COQ8A: variants seen among roughly 807,000 people sequenced by gnomAD.
The protein encoded by COQ8A is atypical kinase COQ8A, mitochondrial.
Under a neutral mutation model 65.0 loss-of-function variants are expected in COQ8A, and 51 were observed. The ratio of observed to expected loss-of-function variants is 0.78; its 90% CI spans 0.63 to 0.99. COQ8A has a LOEUF of 0.99. COQ8A is among the 50% of genes least tolerant of loss of function. The probability of loss-of-function intolerance (pLI) is 0.00; values close to 1 mark genes in which losing one functional copy is unlikely to be tolerated. For synonymous variants in COQ8A, 371 were observed against 353.2 expected, an observed-to-expected ratio of 1.05 and a Z score of -0.57; for missense variants, 940 against 875.0, an observed-to-expected ratio of 1.07 and a Z score of -0.94.
At chr1:226,963,469 A>T (rs1572043324) in intron 2 of COQ8A, among the ~76,000 whole-genome samples, 2 of 152,136 alleles carry the variant, frequency 1.3e-5, no homozygotes, top group East Asian at 3.9e-4. Flanking sequence ...CCACAGTGAC[A>T]CCGACAGGTG....
chr1:226,957,066 A>T (rs1657828690), intron 1 of COQ8A, among the ~76,000 whole-genome samples: 2 of 120,782 alleles, frequency 1.7e-5, no homozygotes, highest in African/African-American at 3.3e-5. Context: ...CCTGATTCAC[A>T]CTCTCCCTGG....
chr1:226,978,563 G>C lies in COQ8A; in HGVS notation c.730+1040G>C, dbSNP rs367643681. Among the ~76,000 whole-genome samples, 251 of 35,934 alleles carry C rather than the reference G, an allele frequency of 7.0e-3. 6 individuals are homozygous for C. The highest frequency in any genetic ancestry group is 0.038 in the Middle Eastern group (1 of 26). 23.6% of individuals were successfully genotyped at this position (35,934 alleles called of 152,430 possible). A position where few individuals can be genotyped will look rare whatever the true frequency, so the allele number is the denominator to read the frequency against. On this transcript the variant is annotated intron_variant, in intron 5 of 14. Transcript: ENST00000366777. ...CCTTACCCTCCACACACCCCCCACAGCCACACACCACCTTACACACTCTCC... is the reference window on the plus strand; with the variant it reads ...CCTTACCCTCCACACACCCCCCACACCCACACACCACCTTACACACTCTCC...
At position 226,984,021 on chromosome 1, in the gene COQ8A, T is replaced by TG. The variant is rs1170206239; in HGVS notation, c.1257-67dup. ...GGTGAAGGAGGGCCCTCTGCCTGGT[T>TG]GGGGGGTGTGTGTGGGGGGGGGGAC... On this transcript the variant is annotated intron_variant, in intron 10 of 14. Coordinates refer to ENST00000366777, the MANE Select transcript of COQ8A (RefSeq NM_020247.5). 7.9e-6 allele frequency: 11 copies of TG among 1,386,716 alleles called. No homozygotes were observed. In the African/African-American group the frequency reaches 9.4e-5, roughly 12 times the overall value. The allele number at this position is 1,386,716 out of a possible 1,614,324, so 85.9% of individuals were successfully genotyped here. A position where few individuals can be genotyped will look rare whatever the true frequency, so the allele number is the denominator to read the frequency against.
chr1:226,966,956 G>T (rs187044877), intron 4 of COQ8A, among the ~76,000 whole-genome samples: 5 of 152,266 alleles, frequency 3.3e-5, no homozygotes, highest in Non-Finnish European at 5.9e-5. Flanking sequence ...TCAGCAGTAA[G>T]GTTTTCTTTC....
At chr1:226,956,998 G>A (rs1657822446) in intron 1 of COQ8A, among the ~76,000 whole-genome samples, 1 of 110,088 alleles carries the variant, frequency 9.1e-6, no homozygotes, top group South Asian at 3.2e-4. Flanking sequence ...CCACTCCCTG[G>A]TTCACACTCT....
In COQ8A at chr1:226,982,722, G is replaced by T; in HGVS notation, c.898G>T (p.Val300Leu). ...NPHLAKIFER[V>L]RQSADFMPLK... ...CCACCTGGCTAAGATCTTCGAGCGGGTGCGGCAGAGCGCGGACTTCATGCC... is the reference window on the plus strand; with the variant it reads ...CCACCTGGCTAAGATCTTCGAGCGGTTGCGGCAGAGCGCGGACTTCATGCC... The change falls in exon 7 of 15, where the codon GTG (valine) becomes TTG (leucine). Residue 300 changes from valine to leucine, a missense_variant. By Grantham distance (32) the Val-to-Leu change is conservative. Coordinates refer to ENST00000366777, the MANE Select transcript of COQ8A (RefSeq NM_020247.5). The T allele has an allele frequency of 6.2e-7, 1 of 1,613,712 alleles. No individual in the cohort carries two copies. The highest frequency in any genetic ancestry group is 8.5e-7 in the Non-Finnish European group (1 of 1,180,024).
chr1:226,986,472 T>C lies in COQ8A; in HGVS notation c.1679T>C (p.Leu560Ser), dbSNP rs886046068. Residue 560 changes from leucine (L) to serine (S), a missense_variant, in exon 15 of 15, where the codon TTG becomes TCG. By Grantham distance (145) the Leu-to-Ser change is moderately radical. Transcript: ENST00000366777. ...CCCCAGGTCATGGAAGACGCCCACTTGGATGCCATCCTCATCCTGGGGGAG... is the reference window on the plus strand; with the variant it reads ...CCCCAGGTCATGGAAGACGCCCACTCGGATGCCATCCTCATCCTGGGGGAG... ...YEVKVMEDAHLDAILILGEAF... is the reference protein window; with the variant it reads ...YEVKVMEDAHSDAILILGEAF... 1.2e-6 allele frequency: 2 copies of C among 1,612,942 alleles called. No individual in the cohort carries two copies. The highest frequency in any genetic ancestry group is 1.7e-6 in the Non-Finnish European group (2 of 1,179,964).
chr1:226,942,443 C>A (rs908279281), intron 1 of COQ8A, among the ~76,000 whole-genome samples: 1 of 152,008 alleles, frequency 6.6e-6, no homozygotes, highest in Non-Finnish European at 1.5e-5. Flanking sequence ...AATTAGAAGA[C>A]TGGTAGCTTC....
Position 226,965,668 on chromosome 1 carries a change from C to G in COQ8A, c.589-3C>G, listed in dbSNP as rs1229054489. 1.1e-5 allele frequency: 17 copies of G among 1,613,976 alleles called. No individual in the cohort carries two copies. Among genetic ancestry groups the G allele is most frequent in the Non-Finnish European group, 1.4e-5 (16 of 1,180,052 alleles). ...CACAGGTCTCTTTCTCGTCTCCCTC[C>G]AGCTCAGCGAGCATGCCCGGGAGCG... is the stretch of plus-strand genomic sequence containing the variant. On this transcript the variant is annotated splice_region_variant and splice_polypyrimidine_tract_variant and intron_variant, in intron 3 of 14. Transcript: ENST00000366777.
intron 1 of COQ8A, among the ~76,000 whole-genome samples, chr1:226,960,291 G>GTGGTGA (rs1658097850): frequency 6.9e-6 from 1 of 145,928 alleles, no homozygotes; most frequent in Non-Finnish European, 1.5e-5. Context: ...GTACTTGGTG[G>GTGGTGA]TGGTACTTGG....
At chr1:226,954,170 T>G (rs1657550839) in intron 1 of COQ8A, among the ~76,000 whole-genome samples, 1 of 152,224 alleles carries the variant, frequency 6.6e-6, no homozygotes, top group Admixed American at 6.5e-5. Context: ...CCTTTGGAGG[T>G]CTGCTCTGTG....
intron 4 of COQ8A, among the ~76,000 whole-genome samples, chr1:226,968,534 G>A (rs550600781): frequency 1.2e-4 from 18 of 152,230 alleles, no homozygotes; most frequent in African/African-American, 3.1e-4. Flanking sequence ...GCACTGTTGC[G>A]CTTTGTTCTC....
intron 14 of COQ8A, 54 bp downstream of exon 14, chr1:226,985,394 C>T: frequency 6.3e-7 from 1 of 1,592,476 alleles, no homozygotes. Flanking sequence ...GCCCGGCTCC[C>T]TGTGTAAGAA....
In COQ8A at chr1:226,986,943, C is replaced by T. The variant is rs765454468; in HGVS notation, c.*206C>T. On this transcript the variant is annotated 3_prime_UTR_variant, in exon 15 of 15. Transcript: ENST00000366777. ...GAAGTGCAAGAATGAAGATGAAGCC[C>T]CACTGCTCGGTCAGTCTGCCTCCGT... 6 of 636,744 alleles carry T rather than the reference C, an allele frequency of 9.4e-6. No individual in the cohort carries two copies. The highest frequency in any genetic ancestry group is 1.6e-5 in the Non-Finnish European group (6 of 369,424). The allele number at this position is 636,744 out of a possible 1,614,324, so 39.4% of individuals were successfully genotyped here. A position where few individuals can be genotyped will look rare whatever the true frequency, so the allele number is the denominator to read the frequency against.
chr1:226,941,659 C>G (rs778291051), intron 1 of COQ8A, among the ~76,000 whole-genome samples: 88 of 151,678 alleles, frequency 5.8e-4, no homozygotes, highest in South Asian at 4.2e-4. Flanking sequence ...CCTATAATCC[C>G]AGCTACTCAG....
In COQ8A at chr1:226,972,255, GAAGGGGAGAGAGGAA is replaced by G. The variant is rs1438942139; in HGVS notation, c.656-5178_656-5164del. Among the ~76,000 whole-genome samples the G allele has an allele frequency of 3.3e-5, 5 of 152,128 alleles. No individual in the cohort carries two copies. Among genetic ancestry groups the G allele is most frequent in the African/African-American group, 2.4e-5 (1 of 41,402 alleles). On this transcript the variant is annotated intron_variant, in intron 4 of 14. Transcript: ENST00000366777. This position sits in a 1 kb window ranked among gnomAD's most constrained non-coding sequence, Gnocchi z 4.3. ...ACTTACAATCCACATCATTAAGGCA[GAAGGGGAGAGAGGAA>G]AAGGGGAGAGAGGAAGACAGGAAAC...
At chr1:226,982,332 T>A in intron 6 of COQ8A, 183 bp downstream of exon 6, 1 of 918,342 alleles carries the variant, frequency 1.1e-6, no homozygotes, top group Non-Finnish European at 1.6e-6. Flanking sequence ...AAGAAACACA[T>A]GGAATAAAGA....
chr1:226,968,254 G>A (rs779216080), intron 4 of COQ8A, among the ~76,000 whole-genome samples: 4 of 152,156 alleles, frequency 2.6e-5, no homozygotes, highest in African/African-American at 4.8e-5. Context: ...AGAATTGCTT[G>A]AGCCCAGGAG....
intron 1 of COQ8A, among the ~76,000 whole-genome samples, chr1:226,941,995 C>T (rs1190132309): frequency 2.0e-5 from 3 of 152,058 alleles, no homozygotes; most frequent in Non-Finnish European, 4.4e-5. Context: ...CATAATTCTT[C>T]GTTGTGGGAG....
Sources: allele counts gnomAD v4.1 joint callset (sites outside exome capture counted in the v4.1 genomes callset), GRCh38; gene constraint gnomAD v4.1.1; non-coding constraint Gnocchi (gnomAD v3.1); transcripts MANE v1.5; gene names NCBI Gene and HGNC (gene_info 2026-07-23, HGNC 2026-07-21).